The following TRAPPC10 variants were observed in gnomAD, a reference collection of about 807,000 sequenced individuals.
TRAPPC10 encodes TRAPP 130 kDa subunit.
A neutral mutation model predicts 125.5 loss-of-function variants in TRAPPC10; 23 were observed. The observed-to-expected ratio is 0.18, with a 90% CI of 0.13 to 0.26. The LOEUF (loss-of-function observed/expected upper bound fraction) is 0.26, where lower values mean the gene tolerates loss of function less well. TRAPPC10 is among the 10% of genes least tolerant of loss of function. TRAPPC10 has a pLI of 1.00. For synonymous variants in TRAPPC10, 509 were observed against 518.0 expected (o/e 0.98, Z 0.24); for missense variants, 1,123 against 1,308.4 (o/e 0.86, Z 2.19).
rs150925410 is a variant in TRAPPC10 at position 44,042,152 on chromosome 21, A to G, written c.285+4225A>G. ...TTATCGTTAGTCTGTTTTCTACTCA[A>G]GTTTCTACTTTCATTTGTATTATTT... On this transcript the variant is annotated intron_variant, in intron 3 of 22. Coordinates refer to ENST00000291574, the MANE Select transcript of TRAPPC10 (RefSeq NM_003274.5). Among the ~76,000 whole-genome samples, 764 of 152,002 alleles carry G rather than the reference A, an allele frequency of 5.0e-3. 9 individuals are homozygous for G. The highest frequency in any genetic ancestry group is 0.017 in the African/African-American group (725 of 41,462).
At chr21:44,017,882 C>T (rs149688017) in intron 1 of TRAPPC10, among the ~76,000 whole-genome samples, 63 of 152,240 alleles carry the variant, frequency 4.1e-4, no homozygotes, top group African/African-American at 1.4e-3. Context: ...GGTTCCTACA[C>T]CACAAGCATT....
chr21:44,017,890 A>G (rs1159956947), intron 1 of TRAPPC10, among the ~76,000 whole-genome samples: 1 of 152,068 alleles, frequency 6.6e-6, no homozygotes, highest in East Asian at 1.9e-4. Context: ...CACCACAAGC[A>G]TTGCTGTTTC....
chr21:44,044,052 A>T (rs2034601209), intron 3 of TRAPPC10, among the ~76,000 whole-genome samples: 1 of 152,240 alleles, frequency 6.6e-6, no homozygotes, highest in Non-Finnish European at 1.5e-5. Context: ...GTTACACAGC[A>T]GTAGATAACT....
chr21:44,092,475 G>C (rs7277269), intron 19 of TRAPPC10, among the ~76,000 whole-genome samples: 54,598 of 152,164 alleles, frequency 0.36, 13,978 homozygotes, highest in African/African-American at 0.73. Flanking sequence ...TCTGTTTATG[G>C]CTCGCTGCCT....
In TRAPPC10 at chr21:44,076,543, C is replaced by T; in HGVS notation, c.1301-9C>T. The T allele has an allele frequency of 1.2e-6, 2 of 1,612,506 alleles. No homozygotes were observed. The highest frequency in any genetic ancestry group is 8.5e-7 in the Non-Finnish European group (1 of 1,178,630). ...GATGAAGAGGGACTCTCGTTTCTTTCTGTTTAAGCCAACACAGCTCAGAGT... is the reference window on the plus strand; with the variant it reads ...GATGAAGAGGGACTCTCGTTTCTTTTTGTTTAAGCCAACACAGCTCAGAGT... On this transcript the variant is annotated splice_polypyrimidine_tract_variant and intron_variant, in intron 9 of 22. Coordinates refer to ENST00000291574, the MANE Select transcript of TRAPPC10 (RefSeq NM_003274.5).
At chr21:44,070,889 G>A (rs970949620) in intron 7 of TRAPPC10, among the ~76,000 whole-genome samples, 2 of 152,184 alleles carry the variant, frequency 1.3e-5, no homozygotes, top group African/African-American at 2.4e-5. Context: ...TGGGCCTGGG[G>A]GCGTCTTCGG....
chr21:44,057,307 T>G (rs565574065), intron 5 of TRAPPC10, among the ~76,000 whole-genome samples: 1 of 149,022 alleles, frequency 6.7e-6, no homozygotes, highest in Non-Finnish European at 1.5e-5. Flanking sequence ...CTCTCTCTCT[T>G]TTTTTTTTTA....
At chr21:44,061,723 T>C (rs944579097) in intron 6 of TRAPPC10, among the ~76,000 whole-genome samples, 3 of 152,248 alleles carry the variant, frequency 2.0e-5, no homozygotes, top group African/African-American at 4.8e-5. Flanking sequence ...CTCAGTCTTT[T>C]CATGGAGAAC....
At position 44,095,574 on chromosome 21, in the gene TRAPPC10, G is replaced by GT. The variant is rs544316876; in HGVS notation, c.3168+1348dup. 1.7e-4 allele frequency among the ~76,000 whole-genome samples: 24 copies of GT among 142,890 alleles called. No homozygotes were observed. In the South Asian group the frequency reaches 4.0e-3, roughly 24 times the overall value. 93.7% of individuals were successfully genotyped at this position (142,890 alleles called of 152,430 possible). On this transcript the variant is annotated intron_variant, in intron 20 of 22. Transcript: ENST00000291574. ...TTTTTTTTGTTTTTTGTTTTGTTTT[G>GT]TTTTTTTGAGACAGAGACTCGCTGT...
Position 44,082,147 on chromosome 21 carries a change from TA to T in TRAPPC10, c.1724-639del, listed in dbSNP as rs1376912068. On this transcript the variant is annotated intron_variant, in intron 13 of 22. Coordinates refer to ENST00000291574, the MANE Select transcript of TRAPPC10 (RefSeq NM_003274.5). The surrounding 1 kb of genome is among the most constrained non-coding windows in gnomAD (Gnocchi z 4.4). ...GCAAGTCCTTTCGTTGATGAATATTTAATAAATACTTAACTGGTCACTTCTG... is the reference window on the plus strand; with the variant it reads ...GCAAGTCCTTTCGTTGATGAATATTTATAAATACTTAACTGGTCACTTCTG... Among the ~76,000 whole-genome samples, 3 of 152,242 alleles carry T rather than the reference TA, an allele frequency of 2.0e-5. No homozygotes were observed. The highest frequency in any genetic ancestry group is 1.9e-4 in the East Asian group (1 of 5,204).
In TRAPPC10 at chr21:44,077,799, ACTT is replaced by A; in HGVS notation, c.1469+16_1469+18del. 2 of 1,585,838 alleles carry A rather than the reference ACTT, an allele frequency of 1.3e-6. No homozygotes were observed. The highest frequency in any genetic ancestry group is 1.7e-6 in the Non-Finnish European group (2 of 1,156,686). ...GAGTTTTACATGTAATTGATTTTGTACTTTTCTTTGAATTCTAAACATACAAAT... is the reference window on the plus strand; with the variant it reads ...GAGTTTTACATGTAATTGATTTTGTATTCTTTGAATTCTAAACATACAAAT... On this transcript the variant is annotated intron_variant, in intron 11 of 22. Transcript: ENST00000291574.
intron 1 of TRAPPC10, among the ~76,000 whole-genome samples, chr21:44,016,980 T>C (rs1286284742): frequency 6.6e-6 from 1 of 152,208 alleles, no homozygotes; most frequent in East Asian, 1.9e-4. Flanking sequence ...AATTTGCACA[T>C]TGAAATTTTC....
At chr21:44,016,228 G>T (rs984787766) in intron 1 of TRAPPC10, among the ~76,000 whole-genome samples, 1 of 152,192 alleles carries the variant, frequency 6.6e-6, no homozygotes, top group African/African-American at 2.4e-5. Flanking sequence ...AAATTTTAGC[G>T]TAGATTTGTT....
At position 44,046,809 on chromosome 21, in the gene TRAPPC10, C is replaced by T. The variant is rs956152578; in HGVS notation, c.286-5471C>T. The T allele has an allele frequency of 2.3e-5, 13 of 575,212 alleles. No individual in the cohort carries two copies. The African/African-American group carries it at 2.3e-4, about 10-fold the overall frequency. 35.6% of individuals were successfully genotyped at this position (575,212 alleles called of 1,614,324 possible). A position where few individuals can be genotyped will look rare whatever the true frequency, so the allele number is the denominator to read the frequency against. On this transcript the variant is annotated intron_variant, in intron 3 of 22. Transcript: ENST00000291574. Reference sequence around the variant, plus strand: ...AGGCATAAGCCACCGCACCCGGCCACCTTTAAGTCTTTTGATGCATTTCCT... The same window carrying T: ...AGGCATAAGCCACCGCACCCGGCCATCTTTAAGTCTTTTGATGCATTTCCT...
intron 15 of TRAPPC10, among the ~76,000 whole-genome samples, chr21:44,086,141 T>A (rs2038112674): frequency 6.6e-6 from 1 of 152,220 alleles, no homozygotes; most frequent in Non-Finnish European, 1.5e-5. Flanking sequence ...GGCCCTGCCC[T>A]CCCCATGGCC....
Position 44,080,107 on chromosome 21 carries a change from G to C in TRAPPC10, c.1703G>C (p.Ser568Thr). The change falls in exon 13 of 23, where the codon AGC becomes ACC. Residue 568 changes from serine to threonine, a missense_variant. Around this residue, in one of 4 missense-constraint regions of TRAPPC10, gnomAD observed 840 missense variants for 902.0 expected, o/e 0.93. Transcript: ENST00000291574. ...HFCQEILDFA[S>T]QPSDSPGHKI... The stretch of plus-strand genomic sequence containing the variant: ...TGCCAGGAGATACTTGACTTTGCCA[G>C]CCAGCCGTCAGACAGCCCAGGTAAG... The C allele has an allele frequency of 1.9e-6, 3 of 1,614,110 alleles. No individual in the cohort carries two copies. Among genetic ancestry groups the C allele is most frequent in the Non-Finnish European group, 2.5e-6 (3 of 1,180,000 alleles).
chr21:44,061,889 A>G (rs1362704995), intron 6 of TRAPPC10, among the ~76,000 whole-genome samples: 2 of 152,240 alleles, frequency 1.3e-5, no homozygotes, highest in Admixed American at 6.5e-5. Context: ...TTTAACCTAT[A>G]CATTCTAACT....
chr21:44,033,750 C>T (rs943702259), intron 2 of TRAPPC10, among the ~76,000 whole-genome samples: 3 of 152,112 alleles, frequency 2.0e-5, no homozygotes, highest in African/African-American at 7.2e-5. Flanking sequence ...GTAGTCCTAG[C>T]CACTTGGGAG....
chr21:44,074,509 C>T (rs769365241), intron 8 of TRAPPC10, 39 bp downstream of exon 8: 7 of 1,612,380 alleles, frequency 4.3e-6, no homozygotes, highest in Middle Eastern at 1.6e-4. Context: ...CACGTTGTCT[C>T]TGCGGCCATG....
Sources: allele counts gnomAD v4.1 joint callset (sites outside exome capture counted in the v4.1 genomes callset), GRCh38; gene constraint gnomAD v4.1.1; regional missense constraint gnomAD v4.1.1; non-coding constraint Gnocchi (gnomAD v3.1); transcripts MANE v1.5; gene names NCBI Gene and HGNC (gene_info 2026-07-23, HGNC 2026-07-21).